The following LRRC37A2 variants were observed in gnomAD, a reference collection of about 807,000 sequenced individuals.
LRRC37A2 encodes the protein leucine rich repeat containing 37 member A2, also known as leucine-rich repeat-containing protein 37A2.
A neutral mutation model predicts 68.8 loss-of-function variants in LRRC37A2; 9 were observed. The ratio of observed to expected loss-of-function variants is 0.13; its 90% confidence interval spans 0.08 to 0.23. The LOEUF (loss-of-function observed/expected upper bound fraction) is 0.23. Ranked by LOEUF, LRRC37A2 falls within the 10% of genes least tolerant of loss-of-function variation. The probability of loss-of-function intolerance (pLI) is 1.00; values close to 1 mark genes in which losing one functional copy is unlikely to be tolerated. For synonymous variants in LRRC37A2, 63 were observed against 367.6 expected (o/e 0.17, Z 9.48); for missense variants, 168 against 950.4 (o/e 0.18, Z 10.82).
At chr17:46,827,531 C>A in the LRRC37A2 span, among the ~76,000 whole-genome samples, 1 of 152,150 alleles carries the variant, frequency 6.6e-6, no homozygotes, top group African/African-American at 2.4e-5. Context: ...ATCTCTGACA[C>A]CATTGCTGAG....
At chr17:46,779,549 C>T in the LRRC37A2 span, among the ~76,000 whole-genome samples, 1 of 152,196 alleles carries the variant, frequency 6.6e-6, no homozygotes, top group Non-Finnish European at 1.5e-5. Context: ...GGATGGGCTG[C>T]GGGTGCCCTG....
chr17:46,626,072 C>G, the LRRC37A2 span, among the ~76,000 whole-genome samples: 1 of 143,190 alleles, frequency 7.0e-6, no homozygotes, highest in Non-Finnish European at 1.5e-5. Flanking sequence ...ATATTGATAT[C>G]TACATGAAAG....
the LRRC37A2 span, among the ~76,000 whole-genome samples, chr17:46,985,348 G>A: frequency 6.6e-6 from 1 of 151,946 alleles, no homozygotes; most frequent in Admixed American, 6.6e-5. Flanking sequence ...GTGAAACCCT[G>A]TCTCTACTAA....
chr17:47,029,582 T>C, the LRRC37A2 span, among the ~76,000 whole-genome samples: 1 of 152,218 alleles, frequency 6.6e-6, no homozygotes, highest in Non-Finnish European at 1.5e-5. Context: ...TTTCTGCACA[T>C]GCTCCCCTCT....
At chr17:46,766,364 C>T in the LRRC37A2 span, among the ~76,000 whole-genome samples, 6 of 151,596 alleles carry the variant, frequency 4.0e-5, no homozygotes, top group South Asian at 2.1e-4. Context: ...GCCGAGATTG[C>T]GCACTTCACT....
the LRRC37A2 span, among the ~76,000 whole-genome samples, chr17:46,831,798 C>G: frequency 1.3e-5 from 2 of 152,268 alleles, no homozygotes; most frequent in Non-Finnish European, 2.9e-5. Context: ...CTCACCCCCT[C>G]TGGGTCTCAG....
At chr17:47,018,360 C>T in the LRRC37A2 span, 1 of 1,611,172 alleles carries the variant, frequency 6.2e-7, no homozygotes, top group Non-Finnish European at 8.5e-7. Context: ...TCTAGAACAT[C>T]ATGAAGTCAC....
the LRRC37A2 span, among the ~76,000 whole-genome samples, chr17:46,842,430 A>C: frequency 6.6e-6 from 1 of 152,150 alleles, no homozygotes; most frequent in Non-Finnish European, 1.5e-5. Context: ...GCTGGAGTGC[A>C]GTGGCGCGAT....
chr17:46,767,778 T>TG, the LRRC37A2 span, among the ~76,000 whole-genome samples: 2 of 151,840 alleles, frequency 1.3e-5, no homozygotes, highest in African/African-American at 4.9e-5. Context: ...ATTTTGTTTT[T>TG]TTTTGTTTGT....
At chr17:46,906,739 G>C in the LRRC37A2 span, among the ~76,000 whole-genome samples, 1 of 152,088 alleles carries the variant, frequency 6.6e-6, no homozygotes, top group Non-Finnish European at 1.5e-5. Context: ...GGCACAGAGA[G>C]GTTAAGCAAC....
At chr17:46,935,312 T>G in the LRRC37A2 span, 5 of 1,532,058 alleles carry the variant, frequency 3.3e-6, no homozygotes, top group East Asian at 1.1e-4. Context: ...TTTGGGATCC[T>G]TTCTGTTGGA....
chr17:46,970,114 T>G, the LRRC37A2 span, among the ~76,000 whole-genome samples: 1 of 152,196 alleles, frequency 6.6e-6, no homozygotes, highest in South Asian at 2.1e-4. Context: ...AGATAATATC[T>G]GTAAAGCACT....
the LRRC37A2 span, among the ~76,000 whole-genome samples, chr17:47,023,045 G>A: frequency 6.6e-5 from 10 of 152,276 alleles, no homozygotes; most frequent in African/African-American, 1.2e-4. Flanking sequence ...TTCATTTCCC[G>A]ACACCTTTTC....
chr17:47,003,072 C>T, the LRRC37A2 span, among the ~76,000 whole-genome samples: 1 of 151,432 alleles, frequency 6.6e-6, no homozygotes, highest in African/African-American at 2.4e-5. Context: ...CCCCCCGACC[C>T]CCCCAACTTC....
the LRRC37A2 span, chr17:46,978,537 G>C: frequency 7.1e-6 from 10 of 1,400,764 alleles, no homozygotes; most frequent in Non-Finnish European, 9.5e-6. Flanking sequence ...CCCCAGGCAC[G>C]TAGCTGCCCG....
chr17:46,667,551 A>C, the LRRC37A2 span, among the ~76,000 whole-genome samples: 2 of 143,606 alleles, frequency 1.4e-5, no homozygotes, highest in South Asian at 4.3e-4. Flanking sequence ...AAAGAAAACA[A>C]ATGTTCTTTT....
the LRRC37A2 span, chr17:46,770,104 C>A: frequency 6.7e-7 from 1 of 1,489,754 alleles, no homozygotes; most frequent in Non-Finnish European, 8.9e-7. Context: ...AGCGCCTGCC[C>A]TGCCTCCACC....
the LRRC37A2 span, among the ~76,000 whole-genome samples, chr17:46,680,392 T>C: frequency 1.3e-5 from 2 of 151,520 alleles, no homozygotes; most frequent in Non-Finnish European, 2.9e-5. Flanking sequence ...GGAGCTGAGA[T>C]AATTGACTAC....
At chr17:46,501,285 C>G in the LRRC37A2 span, among the ~76,000 whole-genome samples, 2 of 151,120 alleles carry the variant, frequency 1.3e-5, no homozygotes, top group Non-Finnish European at 2.9e-5. Context: ...ACGCGATTCT[C>G]CTGCCTCAGC....
Sources: allele counts gnomAD v4.1 joint callset (sites outside exome capture counted in the v4.1 genomes callset), GRCh38; gene constraint gnomAD v4.1.1; transcripts MANE v1.5; gene names NCBI Gene and HGNC (gene_info 2026-07-23, HGNC 2026-07-21).